The following SPATS2 variants were observed in gnomAD, a reference collection of about 807,000 sequenced individuals.
The protein encoded by SPATS2 is spermatogenesis-associated serine-rich protein 2.
A neutral mutation model predicts 63.7 loss-of-function variants in SPATS2; 38 were observed. The ratio of observed to expected loss-of-function variants is 0.60; its 90% confidence interval spans 0.46 to 0.78. The LOEUF is 0.78. Ranked by LOEUF, SPATS2 falls within the 30% of genes least tolerant of loss-of-function variation. SPATS2 has a pLI of 0.00. For missense variants in SPATS2, 588 were observed against 666.2 expected (o/e 0.88, Z 1.29); for synonymous variants, 207 against 232.9 (o/e 0.89, Z 1.01).
chr12:49,437,702 G>A (rs1235750396), intron 2 of SPATS2, among the ~76,000 whole-genome samples: 3 of 152,244 alleles, frequency 2.0e-5, no homozygotes, highest in East Asian at 3.9e-4. Flanking sequence ...GGCGGCGCGC[G>A]CCTGCAATCG....
At chr12:49,481,135 A>G (rs1946198392) in intron 3 of SPATS2, among the ~76,000 whole-genome samples, 1 of 152,168 alleles carries the variant, frequency 6.6e-6, no homozygotes, top group Admixed American at 6.5e-5. Context: ...AATATACCTG[A>G]ATGTGTGCTA....
intron 3 of SPATS2, among the ~76,000 whole-genome samples, chr12:49,470,121 T>C (rs1047737273): frequency 6.6e-6 from 1 of 151,266 alleles, no homozygotes; most frequent in Non-Finnish European, 1.5e-5. Context: ...AACCTCCACC[T>C]CCCAGGTTCA....
chr12:49,410,353 G>A (rs1944776431), intron 2 of SPATS2, among the ~76,000 whole-genome samples: 1 of 152,118 alleles, frequency 6.6e-6, no homozygotes, highest in Admixed American at 6.6e-5. Context: ...TGGTATTACA[G>A]GTGTGAGCCA....
At chr12:49,384,667 T>C (rs1392029913) in intron 2 of SPATS2, among the ~76,000 whole-genome samples, 1 of 152,224 alleles carries the variant, frequency 6.6e-6, no homozygotes, top group Non-Finnish European at 1.5e-5. Flanking sequence ...GTGTTGTAAA[T>C]GTATGTTTCA....
At chr12:49,482,601 A>G (rs1946225244) in intron 3 of SPATS2, among the ~76,000 whole-genome samples, 1 of 152,200 alleles carries the variant, frequency 6.6e-6, no homozygotes, top group Admixed American at 6.5e-5. Flanking sequence ...AACACCTTTG[A>G]AAATACTCCT....
chr12:49,491,916 CTG>C (rs1472371746), intron 6 of SPATS2, among the ~76,000 whole-genome samples: 3 of 152,190 alleles, frequency 2.0e-5, no homozygotes, highest in African/African-American at 4.8e-5. Flanking sequence ...TCAAGTATCT[CTG>C]TGAAATCTGT....
intron 2 of SPATS2, among the ~76,000 whole-genome samples, chr12:49,381,906 T>C (rs1944229542): frequency 6.6e-6 from 1 of 152,236 alleles, no homozygotes; most frequent in Admixed American, 6.5e-5. Context: ...GCCGTTTCAT[T>C]ATATCGTGAT....
At chr12:49,376,151 G>T (rs1662810028) in intron 2 of SPATS2, among the ~76,000 whole-genome samples, 1 of 143,744 alleles carries the variant, frequency 7.0e-6, no homozygotes, top group African/African-American at 2.6e-5. Flanking sequence ...GCCCATGCTG[G>T]AGTGCAGTGG....
rs34420984 is a variant in SPATS2 at position 49,435,638 on chromosome 12, C to CTT, written c.-243-25107_-243-25106dup. Reference sequence around the variant, plus strand: ...ACCGTGCCCGGCTACTGAATGGTTTCTTTTTTTTTTTTTTTTTTTTTTTTT... The same window carrying CTT: ...ACCGTGCCCGGCTACTGAATGGTTTCTTTTTTTTTTTTTTTTTTTTTTTTTTT... On this transcript the variant is annotated intron_variant, in intron 2 of 13. Transcript: ENST00000552918. Among the ~76,000 whole-genome samples, 104 of 96,052 alleles carry CTT rather than the reference C, an allele frequency of 1.1e-3. 4 individuals are homozygous for CTT. Among genetic ancestry groups the CTT allele is most frequent in the Admixed American group, 5.3e-3 (40 of 7,594 alleles). The allele number at this position is 96,052 out of a possible 152,430, so 63.0% of individuals were successfully genotyped here.
chr12:49,420,968 C>G (rs1444828624), intron 2 of SPATS2, among the ~76,000 whole-genome samples: 1 of 152,176 alleles, frequency 6.6e-6, no homozygotes, highest in Non-Finnish European at 1.5e-5. Flanking sequence ...AATTGTACCA[C>G]TGCACACAAG....
At chr12:49,481,458 A>ATTTTTTTT (rs1013711085) in intron 3 of SPATS2, among the ~76,000 whole-genome samples, 1 of 97,798 alleles carries the variant, frequency 1.0e-5, no homozygotes, top group African/African-American at 5.1e-5. Flanking sequence ...AGGCTTCCTC[A>ATTTTTTTT]TTTTTTTTTT....
chr12:49,388,016 A>G (rs1438913110), intron 2 of SPATS2, among the ~76,000 whole-genome samples: 5 of 152,168 alleles, frequency 3.3e-5, no homozygotes, highest in African/African-American at 1.2e-4. Context: ...TTGTGGGCTC[A>G]AGCAATCCTC....
chr12:49,426,405 A>G (rs1945076528), intron 2 of SPATS2, among the ~76,000 whole-genome samples: 2 of 152,170 alleles, frequency 1.3e-5, no homozygotes, highest in Non-Finnish European at 2.9e-5. Flanking sequence ...TTATGTCACA[A>G]TAGATGAGAT....
chr12:49,501,631 T>G (rs1411112156), intron 9 of SPATS2, among the ~76,000 whole-genome samples: 1 of 152,164 alleles, frequency 6.6e-6, no homozygotes, highest in African/African-American at 2.4e-5. Context: ...GTTTTGTTTG[T>G]TTTTTGAGAC....
intron 2 of SPATS2, among the ~76,000 whole-genome samples, chr12:49,394,743 G>GT (rs958295370): frequency 6.6e-6 from 1 of 152,032 alleles, no homozygotes; most frequent in Non-Finnish European, 1.5e-5. Flanking sequence ...TTATCAGATA[G>GT]TTTTTTCACA....
At chr12:49,519,770 C>A (rs1946907942) in intron 11 of SPATS2, among the ~76,000 whole-genome samples, 1 of 151,970 alleles carries the variant, frequency 6.6e-6, no homozygotes, top group African/African-American at 2.4e-5. Flanking sequence ...GCTTTTCCAT[C>A]TGTCCAAATG....
intron 2 of SPATS2, among the ~76,000 whole-genome samples, chr12:49,404,303 T>G (rs1313216421): frequency 6.6e-6 from 1 of 150,852 alleles, no homozygotes; most frequent in East Asian, 1.9e-4. Flanking sequence ...TTTTTTTTTT[T>G]AGAGATAAGA....
chr12:49,411,722 G>C (rs1592371499), intron 2 of SPATS2, among the ~76,000 whole-genome samples: 1 of 152,252 alleles, frequency 6.6e-6, no homozygotes, highest in East Asian at 1.9e-4. Context: ...AAATAATTTA[G>C]GATGTGTCTA....
intron 2 of SPATS2, among the ~76,000 whole-genome samples, chr12:49,443,104 A>G (rs1026378432): frequency 6.6e-6 from 1 of 152,180 alleles, no homozygotes; most frequent in Non-Finnish European, 1.5e-5. Context: ...GCCGAATAAT[A>G]TTCCATTGTA....
Sources: gnomAD v4.1 joint callset for allele counts (sites outside exome capture counted in the v4.1 genomes callset) on GRCh38, gnomAD v4.1.1 for gene constraint, MANE v1.5 for transcripts, NCBI Gene and HGNC (gene_info 2026-07-23, HGNC 2026-07-21) for gene names.